The following ACVR1 variants were observed in gnomAD, a reference collection of about 807,000 sequenced individuals.
ACVR1 encodes activin A receptor type 1.
Under a neutral mutation model 57.1 loss-of-function variants are expected in ACVR1, and 38 were observed. That is an observed-to-expected ratio of 0.67 (90% CI 0.51 to 0.87). The LOEUF is 0.87. Ranked by LOEUF, ACVR1 falls within the 40% of genes least tolerant of loss-of-function variation. The pLI is 0.00. For missense variants in ACVR1, 463 were observed against 638.2 expected, an observed-to-expected ratio of 0.73 and a Z score of 2.96; for synonymous variants, 212 against 228.1, an observed-to-expected ratio of 0.93 and a Z score of 0.63.
intron 9 of ACVR1, among the ~76,000 whole-genome samples, chr2:157,758,633 T>C (rs1685521690): frequency 1.3e-5 from 2 of 152,082 alleles, no homozygotes; most frequent in South Asian, 2.1e-4. Context: ...CTCTTAGCAC[T>C]GAACAGATCA....
intron 2 of ACVR1, 93 bp from the exon 3 acceptor site, chr2:157,799,593 G>A: frequency 1.1e-6 from 1 of 946,260 alleles, no homozygotes; most frequent in South Asian, 1.3e-5. Context: ...GCCATTCAAG[G>A]CCCTTCTTAC....
chr2:157,748,340 G>T (rs1315830253), intron 9 of ACVR1, among the ~76,000 whole-genome samples: 1 of 152,116 alleles, frequency 6.6e-6, no homozygotes, highest in African/African-American at 2.4e-5. Context: ...TTCATTTGGG[G>T]CAAGTTCCAC....
At chr2:157,838,513 A>T (rs1283313801) in intron 1 of ACVR1, among the ~76,000 whole-genome samples, 1 of 152,240 alleles carries the variant, frequency 6.6e-6, no homozygotes, top group East Asian at 1.9e-4. Flanking sequence ...AGCAGACATT[A>T]CTAGTAAGTA....
intron 2 of ACVR1, chr2:157,806,742 A>AAT (rs1401411169): frequency 1.3e-5 from 2 of 152,234 alleles, no homozygotes; most frequent in East Asian, 3.8e-4. Context: ...CATACCATGT[A>AAT]AGTTAAGTCA....
At chr2:157,841,005 G>A (rs1274379059) in intron 1 of ACVR1, among the ~76,000 whole-genome samples, 1 of 152,216 alleles carries the variant, frequency 6.6e-6, no homozygotes, top group Non-Finnish European at 1.5e-5. Context: ...CACAATTCCT[G>A]TTCCCCTGGT....
chr2:157,761,914 T>C (rs1318065308), intron 8 of ACVR1, among the ~76,000 whole-genome samples: 1 of 152,214 alleles, frequency 6.6e-6, no homozygotes, highest in Non-Finnish European at 1.5e-5. Context: ...TGTAAACCAC[T>C]GCAATGCAAA....
At chr2:157,838,412 G>A (rs1257680420) in intron 1 of ACVR1, 4 of 152,154 alleles carry the variant, frequency 2.6e-5, no homozygotes, top group African/African-American at 9.7e-5. Flanking sequence ...GGGAAGTCCT[G>A]TTGTGAAATA....
intron 1 of ACVR1, among the ~76,000 whole-genome samples, chr2:157,854,077 C>T (rs536948771): frequency 2.8e-4 from 43 of 152,016 alleles, no homozygotes; most frequent in African/African-American, 8.9e-4. Context: ...CTCTTGAAGC[C>T]AGGAATAGCA....
chr2:157,871,658 T>C (rs1199730945), intron 1 of ACVR1, among the ~76,000 whole-genome samples: 3 of 152,206 alleles, frequency 2.0e-5, no homozygotes, highest in East Asian at 3.8e-4. Flanking sequence ...GCCGTGGCTC[T>C]GGAAAACAAA....
At chr2:157,844,792 G>C (rs191899508) in intron 1 of ACVR1, among the ~76,000 whole-genome samples, 1 of 151,908 alleles carries the variant, frequency 6.6e-6, no homozygotes, top group Non-Finnish European at 1.5e-5. Flanking sequence ...AGTATTAAGA[G>C]GGGGGGAGCC....
chr2:157,756,670 G>C (rs1470371298), intron 9 of ACVR1, among the ~76,000 whole-genome samples: 3 of 151,958 alleles, frequency 2.0e-5, no homozygotes, highest in African/African-American at 7.2e-5. Context: ...ATGTTGGCGT[G>C]GATGCGGCAC....
At position 157,759,959 on chromosome 2, in the gene ACVR1, G is replaced by T. The variant is rs369927530; in HGVS notation, c.1264+921C>A. ...ATATACATACTTCAACATAATAAGG[G>T]CCATATGCAACAAACTCACAGGTAA... On this transcript the variant is annotated intron_variant, in intron 9 of 10. Transcript: ENST00000434821. Among the ~76,000 whole-genome samples the T allele has an allele frequency of 2.5e-4, 38 of 152,114 alleles. No individual in the cohort carries two copies. In the South Asian group the frequency reaches 7.0e-3, roughly 28 times the overall value.
At chr2:157,829,780 A>C (rs1688516841) in intron 1 of ACVR1, among the ~76,000 whole-genome samples, 1 of 152,090 alleles carries the variant, frequency 6.6e-6, no homozygotes, top group Non-Finnish European at 1.5e-5. Flanking sequence ...ATGCCCCCTC[A>C]TCTGTTTTTC....
At chr2:157,757,062 C>T (rs1250350552) in intron 9 of ACVR1, among the ~76,000 whole-genome samples, 1 of 141,936 alleles carries the variant, frequency 7.0e-6, no homozygotes, top group African/African-American at 2.7e-5. Context: ...ATACTACTAA[C>T]CCATAAAAAG....
At chr2:157,827,963 T>C (rs1009391555) in intron 1 of ACVR1, among the ~76,000 whole-genome samples, 4 of 152,220 alleles carry the variant, frequency 2.6e-5, no homozygotes, top group African/African-American at 9.6e-5. Context: ...TAGGTATTTC[T>C]TTCATGATTG....
intron 3 of ACVR1, among the ~76,000 whole-genome samples, chr2:157,782,812 G>A (rs1686574950): frequency 6.6e-6 from 1 of 152,182 alleles, no homozygotes; most frequent in African/African-American, 2.4e-5. Context: ...ATGTAAATTT[G>A]AAACACAAAC....
rs59981725 is a variant in ACVR1 at position 157,762,484 on chromosome 2, C to T, written c.1067-1407G>A. On this transcript the variant is annotated intron_variant, in intron 8 of 10. Transcript: ENST00000434821. ...GGAAAAGAGGGGACTACTGTATGCC[C>T]CTCCACCATTTGCAGAACCAAACAG... Among the ~76,000 whole-genome samples the T allele has an allele frequency of 2.9e-3, 435 of 152,220 alleles. 2 individuals carry two copies. The highest frequency in any genetic ancestry group is 9.7e-3 in the African/African-American group (404 of 41,534).
chr2:157,743,304 A>G (rs1684847808), intron 9 of ACVR1, among the ~76,000 whole-genome samples: 1 of 152,118 alleles, frequency 6.6e-6, no homozygotes, highest in Non-Finnish European at 1.5e-5. Context: ...GCCTAGACAA[A>G]GTTCAGTGCC....
intron 1 of ACVR1, among the ~76,000 whole-genome samples, chr2:157,853,103 A>G (rs1235519340): frequency 6.6e-6 from 1 of 152,252 alleles, no homozygotes; most frequent in Non-Finnish European, 1.5e-5. Context: ...TAGAGTAGCC[A>G]AATTATTGCT....
Sources: allele counts gnomAD v4.1 joint callset (sites outside exome capture counted in the v4.1 genomes callset), GRCh38; gene constraint gnomAD v4.1.1; transcripts MANE v1.5; gene names NCBI Gene and HGNC (gene_info 2026-07-23, HGNC 2026-07-21).